Variants in MED27 observed in about 807,000 individuals in gnomAD.
MED27 encodes the protein mediator of RNA polymerase II transcription subunit 27.
In MED27, 30 loss-of-function variants were observed where a neutral mutation model predicts 38.2. That is an observed-to-expected ratio of 0.79 (90% CI 0.59 to 1.07). The LOEUF (loss-of-function observed/expected upper bound fraction) is 1.07, where lower values mean the gene tolerates loss of function less well. Ranked by LOEUF, MED27 falls within the 50% of genes least tolerant of loss-of-function variation. MED27 has a pLI of 0.00. For synonymous variants in MED27, 122 were observed against 153.5 expected (o/e 0.79, Z 1.52); for missense variants, 289 against 397.5 (o/e 0.73, Z 2.32).
intron 2 of MED27, among the ~76,000 whole-genome samples, chr9:132,028,697 GGTATAATCAAGGACATTATA>G (rs1398166117): frequency 6.6e-6 from 1 of 152,042 alleles, no homozygotes; most frequent in Non-Finnish European, 1.5e-5. Context: ...ACAGGGGAGT[GGTATAATCAAGGACATTATA>G]GCCTTCAAAT....
chr9:131,998,281 C>T (rs1040815712), intron 3 of MED27, among the ~76,000 whole-genome samples: 19 of 150,618 alleles, frequency 1.3e-4, no homozygotes, highest in Non-Finnish European at 2.8e-4. Flanking sequence ...TTTTTAATAT[C>T]CTTTTTTTTT....
At chr9:132,033,814 C>T (rs530892783) in intron 2 of MED27, among the ~76,000 whole-genome samples, 1 of 152,328 alleles carries the variant, frequency 6.6e-6, no homozygotes, top group East Asian at 1.9e-4. Flanking sequence ...CTTTCTCCAC[C>T]TCCCTAACAC....
Position 131,883,949 on chromosome 9 carries a change from G to C in MED27, c.723+109C>G, listed in dbSNP as rs750418502. On this transcript the variant is annotated intron_variant, in intron 6 of 7. Transcript: ENST00000292035. This position sits in a 1 kb window ranked among gnomAD's most constrained non-coding sequence, Gnocchi z 4.2. ...AGACAGTGAGCATCCTTTTCTGTCT[G>C]GCTTTTTTCACTTTTTCAAAAGCCT... 399 of 935,226 alleles carry C rather than the reference G, an allele frequency of 4.3e-4. No homozygotes were observed. The highest frequency in any genetic ancestry group is 9.4e-4 in the Admixed American group (40 of 42,358). The allele number at this position is 935,226 out of a possible 1,614,324, so 57.9% of individuals were successfully genotyped here.
At chr9:131,871,611 C>T (rs1838835362) in intron 6 of MED27, among the ~76,000 whole-genome samples, 2 of 152,162 alleles carry the variant, frequency 1.3e-5, no homozygotes, top group Admixed American at 6.5e-5. Context: ...GTGTGGTGGT[C>T]TGATCACAGC....
At chr9:131,969,181 C>A (rs965019600) in intron 3 of MED27, among the ~76,000 whole-genome samples, 13 of 135,084 alleles carry the variant, frequency 9.6e-5, no homozygotes, top group African/African-American at 3.2e-4. Flanking sequence ...CGCTCCTGCC[C>A]CCCACACCTT....
At chr9:131,934,638 G>A (rs1225352853) in intron 4 of MED27, among the ~76,000 whole-genome samples, 1 of 152,162 alleles carries the variant, frequency 6.6e-6, no homozygotes, top group Non-Finnish European at 1.5e-5. Context: ...AACCACCATG[G>A]AGAACAGTTT....
chr9:131,926,545 A>G (rs910991135), intron 4 of MED27, among the ~76,000 whole-genome samples: 1 of 152,190 alleles, frequency 6.6e-6, no homozygotes, highest in African/African-American at 2.4e-5. Context: ...CTGAATTGGA[A>G]TTTCTGTACT....
chr9:132,027,592 A>G (rs1832851962), intron 2 of MED27, among the ~76,000 whole-genome samples: 1 of 152,268 alleles, frequency 6.6e-6, no homozygotes, highest in African/African-American at 2.4e-5. Flanking sequence ...TCCCTAGCAC[A>G]GTATAAAATG....
At chr9:131,924,910 T>C (rs530256024) in intron 4 of MED27, among the ~76,000 whole-genome samples, 1 of 152,368 alleles carries the variant, frequency 6.6e-6, no homozygotes, top group Non-Finnish European at 1.5e-5. Context: ...AACTTGGTCA[T>C]ATCATTCTAT....
At chr9:131,877,699 G>A (rs1838961265) in intron 6 of MED27, among the ~76,000 whole-genome samples, 1 of 152,202 alleles carries the variant, frequency 6.6e-6, no homozygotes, top group African/African-American at 2.4e-5. Context: ...GAGGGTGACG[G>A]TTCCAATCCC....
chr9:132,039,060 C>A (rs898606566), intron 2 of MED27, among the ~76,000 whole-genome samples: 2 of 152,198 alleles, frequency 1.3e-5, no homozygotes, highest in African/African-American at 4.8e-5. Context: ...ATTTTGGTCT[C>A]TTTGCCTTGA....
chr9:131,879,340 C>T (rs578191120), intron 6 of MED27, among the ~76,000 whole-genome samples: 11 of 152,332 alleles, frequency 7.2e-5, no homozygotes, highest in African/African-American at 1.2e-4. Context: ...TCCTGCTTTC[C>T]GAGTTCTGCT....
intron 4 of MED27, among the ~76,000 whole-genome samples, chr9:131,896,714 C>CTATA (rs575072898): frequency 2.0e-5 from 3 of 151,632 alleles, no homozygotes; most frequent in Non-Finnish European, 4.4e-5. Context: ...TATAATGAAA[C>CTATA]TATATATATA....
rs1289018982 is a variant in MED27 at position 131,924,804 on chromosome 9, T to C, written c.573+14577A>G. Among the ~76,000 whole-genome samples the C allele has an allele frequency of 2.6e-5, 4 of 152,336 alleles. No individual in the cohort carries two copies. In the East Asian group the frequency reaches 7.7e-4, roughly 29 times the overall value. ...TGGTGTTTTCCTATCCTTTAATGCA[T>C]ACCTATTTTTCCACATCATCACCAC... is the stretch of plus-strand genomic sequence containing the variant. On this transcript the variant is annotated intron_variant, in intron 4 of 7. Coordinates refer to ENST00000292035, the MANE Select transcript of MED27 (RefSeq NM_004269.4).
intron 2 of MED27, among the ~76,000 whole-genome samples, chr9:132,038,188 CTTTTTTTTTTTTT>C (rs144353393): frequency 1.6e-5 from 2 of 125,720 alleles, no homozygotes; most frequent in Non-Finnish European, 3.3e-5. Context: ...AGGCATCCTT[CTTTTTTTTTTTTT>C]TTTTTTTTGA....
rs528918913 is a variant in MED27, at chr9:131,929,259, C to T, written c.573+10122G>A. On this transcript the variant is annotated intron_variant, in intron 4 of 7. Transcript: ENST00000292035. Reference sequence around the variant, plus strand: ...GTGGGCCTTGGGTGAGACTCTGAGACGTGCTGGCTTCAAGTGAGATCCAGC... The same window carrying T: ...GTGGGCCTTGGGTGAGACTCTGAGATGTGCTGGCTTCAAGTGAGATCCAGC... Among the ~76,000 whole-genome samples, 17 of 152,312 alleles carry T rather than the reference C, an allele frequency of 1.1e-4. No homozygotes were observed. In the East Asian group the frequency reaches 1.4e-3, roughly 12 times the overall value.
At chr9:131,898,567 A>G (rs1433422884) in intron 4 of MED27, among the ~76,000 whole-genome samples, 1 of 151,796 alleles carries the variant, frequency 6.6e-6, no homozygotes. Flanking sequence ...ATCTAAGTTG[A>G]ATAGGCATAG....
rs1830225090 is a variant in MED27 at position 131,913,350 on chromosome 9, C to T, written c.574-19358G>A. On this transcript the variant is annotated intron_variant, in intron 4 of 7. Coordinates refer to ENST00000292035, the MANE Select transcript of MED27 (RefSeq NM_004269.4). This position sits in a 1 kb window ranked among gnomAD's most constrained non-coding sequence, Gnocchi z 4.5. ...CTGTACCACTTAATGTGACCTTGAA[C>T]AAGTTATTGAACCTTCTGAGTCTCA... Among the ~76,000 whole-genome samples the T allele has an allele frequency of 1.3e-5, 2 of 152,192 alleles. No homozygotes were observed. The highest frequency in any genetic ancestry group is 1.3e-4 in the Admixed American group (2 of 15,282).
At chr9:131,925,836 G>A (rs917718916) in intron 4 of MED27, among the ~76,000 whole-genome samples, 1 of 152,236 alleles carries the variant, frequency 6.6e-6, no homozygotes, top group African/African-American at 2.4e-5. Context: ...GCAGCTCCTG[G>A]TCCAGTTCTA....
Sources: allele counts gnomAD v4.1 joint callset (sites outside exome capture counted in the v4.1 genomes callset), GRCh38; gene constraint gnomAD v4.1.1; non-coding constraint Gnocchi (gnomAD v3.1); transcripts MANE v1.5; gene names NCBI Gene and HGNC (gene_info 2026-07-23, HGNC 2026-07-21).